The following SCN7A variants were observed in gnomAD, a reference collection of about 807,000 sequenced individuals.
SCN7A encodes sodium channel protein type 7 subunit alpha.
A neutral mutation model predicts 155.2 loss-of-function variants in SCN7A; 138 were observed. The observed-to-expected ratio is 0.89, with a 90% CI of 0.77 to 1.02. The LOEUF (loss-of-function observed/expected upper bound fraction) is 1.02. Among genes scored for constraint, SCN7A ranks in the 50% least tolerant of loss-of-function variants. The probability of loss-of-function intolerance (pLI) is 0.00; values close to 1 mark genes in which losing one functional copy is unlikely to be tolerated. For synonymous variants in SCN7A, 693 were observed against 649.0 expected (o/e 1.07, Z -1.03); for missense variants, 2,058 against 1,986.6 (o/e 1.04, Z -0.68).
At chr2:166,460,646 T>C (rs1013115900) in intron 10 of SCN7A, among the ~76,000 whole-genome samples, 3 of 152,042 alleles carry the variant, frequency 2.0e-5, no homozygotes, top group Admixed American at 6.6e-5. Context: ...ATTTGAAGCC[T>C]GAAACTGAAG....
At chr2:166,423,465 T>C (rs1701556397) in intron 18 of SCN7A, 33 bp from the exon 19 acceptor site, 1 of 1,476,072 alleles carries the variant, frequency 6.8e-7, no homozygotes, top group African/African-American at 1.4e-5. Context: ...AAGGATTAGG[T>C]GTACAGGTAA....
intron 10 of SCN7A, among the ~76,000 whole-genome samples, chr2:166,457,723 A>T (rs896978914): frequency 1.5e-4 from 23 of 152,220 alleles, no homozygotes; most frequent in Admixed American, 1.2e-3. Flanking sequence ...CAAACACAGC[A>T]CTGACTAGCT....
At chr2:166,469,082 T>C (rs1702598786) in intron 7 of SCN7A, among the ~76,000 whole-genome samples, 1 of 151,478 alleles carries the variant, frequency 6.6e-6, no homozygotes, top group Non-Finnish European at 1.5e-5. Context: ...AAGTTTTTTC[T>C]ATTGTATATA....
At position 166,447,592 on chromosome 2, in the gene SCN7A, C is replaced by G; in HGVS notation, c.1387+20G>C. 6.7e-7 allele frequency: 1 copy of G among 1,494,164 alleles called. No individual in the cohort carries two copies. The highest frequency in any genetic ancestry group is 9.3e-7 in the Non-Finnish European group (1 of 1,075,480). The allele number at this position is 1,494,164 out of a possible 1,614,324, so 92.6% of individuals were successfully genotyped here. On this transcript the variant is annotated intron_variant, in intron 12 of 25. Coordinates refer to ENST00000643258, the MANE Select transcript of SCN7A (RefSeq NM_002976.4). Reference sequence around the variant, plus strand: ...GAGTAGTACCTTCAATAGTGAGTGTCTACTTATTTAGTACTTTACCTTCCT... The same window carrying G: ...GAGTAGTACCTTCAATAGTGAGTGTGTACTTATTTAGTACTTTACCTTCCT...
chr2:166,434,389 T>A (rs972492823), intron 15 of SCN7A, among the ~76,000 whole-genome samples: 1 of 151,954 alleles, frequency 6.6e-6, no homozygotes, highest in Non-Finnish European at 1.5e-5. Context: ...ATATGGGAAA[T>A]GTTTTGTGGG....
At chr2:166,428,512 T>C (rs1464190114) in intron 17 of SCN7A, among the ~76,000 whole-genome samples, 2 of 152,026 alleles carry the variant, frequency 1.3e-5, no homozygotes, top group East Asian at 1.9e-4. Flanking sequence ...GTAGAGTACA[T>C]GTGTACGGGG....
chr2:166,484,711 T>TA (rs1703007424), intron 2 of SCN7A, among the ~76,000 whole-genome samples: 1 of 151,840 alleles, frequency 6.6e-6, no homozygotes. Context: ...AATTAGGAAA[T>TA]AATGATTAAG....
intron 15 of SCN7A, among the ~76,000 whole-genome samples, chr2:166,439,020 TAC>T (rs1353524575): frequency 1.3e-4 from 17 of 131,414 alleles, no homozygotes; most frequent in African/African-American, 4.8e-4. Context: ...TATGTATATA[TAC>T]ATACACACAC....
At position 166,416,737 on chromosome 2, in the gene SCN7A, A is replaced by C; in HGVS notation, c.3384T>G (p.Val1128=). ...GAAGCAGAGAAAGGAAACCATTTCC[A>C]ACATTATCAAAGTTCATTTTTGCAT... The part of the protein sequence containing the change: ...WENAKMNFDN[V]GNGFLSLLQV... The change falls in exon 21 of 26, where the codon GTT becomes GTG. Residue 1128 remains valine, a synonymous_variant. Coordinates refer to ENST00000643258, the MANE Select transcript of SCN7A (RefSeq NM_002976.4). The C allele has an allele frequency of 6.2e-7, 1 of 1,610,262 alleles. No homozygotes were observed. Among genetic ancestry groups the C allele is most frequent in the East Asian group, 2.2e-5 (1 of 44,670 alleles).
intron 10 of SCN7A, 152 bp downstream of exon 10, chr2:166,462,237 T>C (rs1702430234): frequency 1.3e-6 from 1 of 782,762 alleles, no homozygotes; most frequent in South Asian, 2.4e-5. Flanking sequence ...CAGCATATAA[T>C]TTGACATTCA....
At chr2:166,464,113 T>C (rs1359700350) in intron 9 of SCN7A, among the ~76,000 whole-genome samples, 2 of 151,354 alleles carry the variant, frequency 1.3e-5, no homozygotes, top group African/African-American at 4.9e-5. Flanking sequence ...ACGACATACA[T>C]ATGTGTATAT....
Position 166,409,716 on chromosome 2 carries a change from T to C in SCN7A, c.3931A>G (p.Thr1311Ala). 1 of 1,542,516 alleles carries C rather than the reference T, an allele frequency of 6.5e-7. No homozygotes were observed. Among genetic ancestry groups the C allele is most frequent in the Non-Finnish European group, 8.7e-7 (1 of 1,144,260 alleles). ...KLIAFRCFYF[T>A]IAWNIFDFMV... ...AAATCAAAAATGTTCCACGCAATGG[T>C]GAAATAAAAACAACGGAAAGCGATG... The change falls in exon 25 of 26, where the codon ACC (threonine) becomes GCC (alanine). Residue 1311 changes from threonine (T) to alanine (A), a missense_variant. By Grantham distance (58) the Thr-to-Ala change is moderately conservative. Transcript: ENST00000643258.
chr2:166,468,065 T>C (rs991814753), intron 7 of SCN7A, among the ~76,000 whole-genome samples: 1 of 152,030 alleles, frequency 6.6e-6, no homozygotes, highest in Non-Finnish European at 1.5e-5. Flanking sequence ...TCTACATCAA[T>C]AAGACTGTGT....
chr2:166,465,120 A>G (rs1702499788), intron 9 of SCN7A, among the ~76,000 whole-genome samples: 1 of 152,204 alleles, frequency 6.6e-6, no homozygotes, highest in Admixed American at 6.5e-5. Flanking sequence ...AAGGCCTGAG[A>G]GAAACCTCTG....
chr2:166,454,482 CT>C (rs1291937099), intron 11 of SCN7A, among the ~76,000 whole-genome samples: 1 of 152,154 alleles, frequency 6.6e-6, no homozygotes, highest in Non-Finnish European at 1.5e-5. Context: ...CTTTCTAAAG[CT>C]TCTTGACTGG....
chr2:166,408,860 C>G (rs1392641209), intron 25 of SCN7A, among the ~76,000 whole-genome samples: 1 of 151,998 alleles, frequency 6.6e-6, no homozygotes, highest in Non-Finnish European at 1.5e-5. Context: ...ACAAACTTCT[C>G]TCTGCCTGAA....
At position 166,412,581 on chromosome 2, in the gene SCN7A, C is replaced by T; in HGVS notation, c.3555G>A (p.Leu1185=). 1 of 1,515,216 alleles carries T rather than the reference C, an allele frequency of 6.6e-7. No homozygotes were observed. The highest frequency in any genetic ancestry group is 8.8e-7 in the Non-Finnish European group (1 of 1,134,046). The allele number at this position is 1,515,216 out of a possible 1,614,324, so 93.9% of individuals were successfully genotyped here. A position where few individuals can be genotyped will look rare whatever the true frequency, so the allele number is the denominator to read the frequency against. ...NFIIFGVFLP[L]SMLITVIIDN... The stretch of plus-strand genomic sequence containing the variant: ...CAATAATAACAGTAATCAGCATACT[C>T]AGAGGGAGAAATACTCCAAATATAA... Residue 1185 remains leucine (L), a synonymous_variant, in exon 23 of 26, where the codon CTG becomes CTA. Coordinates refer to ENST00000643258, the MANE Select transcript of SCN7A (RefSeq NM_002976.4).
At position 166,406,650 on chromosome 2, in the gene SCN7A, G is replaced by C. The variant is rs182499176; in HGVS notation, c.3983-4C>G. 3 of 1,576,762 alleles carry C rather than the reference G, an allele frequency of 1.9e-6. No homozygotes were observed. The Admixed American group carries it at 5.5e-5, about 29-fold the overall frequency. On this transcript the variant is annotated splice_polypyrimidine_tract_variant and splice_region_variant and intron_variant, in intron 25 of 25. Coordinates refer to ENST00000643258, the MANE Select transcript of SCN7A (RefSeq NM_002976.4). ...ACTGTCATAGGCAGACATAGTCCTG[G>C]GGGTGGGAAAGATAAAGCAGGCTAT...
chr2:166,461,247 A>G (rs983400691), intron 10 of SCN7A, among the ~76,000 whole-genome samples: 1 of 152,010 alleles, frequency 6.6e-6, no homozygotes, highest in Non-Finnish European at 1.5e-5. Context: ...ATAAGCATGG[A>G]CTGGATGTGT....
Sources: gnomAD v4.1 joint callset for allele counts (sites outside exome capture counted in the v4.1 genomes callset) on GRCh38, gnomAD v4.1.1 for gene constraint, MANE v1.5 for transcripts, NCBI Gene and HGNC (gene_info 2026-07-23, HGNC 2026-07-21) for gene names.